SCHIP1: variants seen among roughly 807,000 people sequenced by gnomAD.
SCHIP1 encodes the protein schwannomin-interacting protein 1.
A neutral mutation model predicts 29.7 loss-of-function variants in SCHIP1; 8 were observed. That is an observed-to-expected ratio of 0.27 (90% CI 0.16 to 0.49). The LOEUF is 0.49. Among genes scored for constraint, SCHIP1 ranks in the 20% least tolerant of loss-of-function variants. SCHIP1 has a pLI of 0.99. For missense variants in SCHIP1, 193 were observed against 294.6 expected, an observed-to-expected ratio of 0.66 and a Z score of 2.52; for synonymous variants, 76 against 94.9, an observed-to-expected ratio of 0.80 and a Z score of 1.16.
At chr3:159,414,986 T>C in the SCHIP1 span, among the ~76,000 whole-genome samples, 2 of 152,194 alleles carry the variant, frequency 1.3e-5, no homozygotes, top group Admixed American at 6.6e-5. Flanking sequence ...AGTACTGTTC[T>C]GCAGCCCAGG....
At chr3:159,505,426 T>C in the SCHIP1 span, among the ~76,000 whole-genome samples, 3 of 152,318 alleles carry the variant, frequency 2.0e-5, no homozygotes, top group Non-Finnish European at 1.5e-5. Flanking sequence ...GGGGGACATG[T>C]GATATCTGAA....
the SCHIP1 span, among the ~76,000 whole-genome samples, chr3:159,543,007 T>TA: frequency 6.6e-6 from 1 of 151,544 alleles, no homozygotes; most frequent in African/African-American, 2.4e-5. Flanking sequence ...CTAGGATACT[T>TA]AAAAAATGAC....
chr3:159,668,090 C>T, the SCHIP1 span, among the ~76,000 whole-genome samples: 1 of 152,026 alleles, frequency 6.6e-6, no homozygotes, highest in Non-Finnish European at 1.5e-5. Context: ...TGAGTCCCGG[C>T]CAGGTACAGT....
the SCHIP1 span, among the ~76,000 whole-genome samples, chr3:159,446,024 A>AATG: frequency 6.6e-6 from 1 of 150,848 alleles, no homozygotes; most frequent in African/African-American, 2.4e-5. Flanking sequence ...CTTAAAGTAT[A>AATG]ATAATAATAA....
the SCHIP1 span, among the ~76,000 whole-genome samples, chr3:159,450,395 C>G: frequency 6.6e-6 from 1 of 152,192 alleles, no homozygotes; most frequent in African/African-American, 2.4e-5. Context: ...AAGACTTTAG[C>G]TACATGCTTC....
intron 1 of SCHIP1, among the ~76,000 whole-genome samples, chr3:159,848,436 T>G (rs1181807367): frequency 6.6e-6 from 1 of 152,162 alleles, no homozygotes; most frequent in Non-Finnish European, 1.5e-5. Flanking sequence ...TCAGCTCAAG[T>G]CTCTGCCAAG....
the SCHIP1 span, among the ~76,000 whole-genome samples, chr3:159,784,515 C>T: frequency 6.6e-6 from 1 of 152,214 alleles, no homozygotes; most frequent in East Asian, 1.9e-4. Context: ...CTATGTGCTA[C>T]ACAAGAAACA....
At chr3:159,285,605 A>G in the SCHIP1 span, among the ~76,000 whole-genome samples, 10 of 151,964 alleles carry the variant, frequency 6.6e-5, no homozygotes, top group Non-Finnish European at 1.5e-5. Flanking sequence ...TGTTTCTCAT[A>G]TCAATTATAT....
At chr3:159,571,574 A>G in the SCHIP1 span, among the ~76,000 whole-genome samples, 1 of 152,160 alleles carries the variant, frequency 6.6e-6, no homozygotes, top group East Asian at 1.9e-4. Flanking sequence ...CATCAGGGAT[A>G]TTGATCTAAA....
At chr3:159,525,489 A>G in the SCHIP1 span, among the ~76,000 whole-genome samples, 1 of 152,232 alleles carries the variant, frequency 6.6e-6, no homozygotes, top group East Asian at 1.9e-4. Context: ...GAAGCACACA[A>G]TACTTGAATG....
the SCHIP1 span, among the ~76,000 whole-genome samples, chr3:159,519,735 T>C: frequency 1.3e-5 from 2 of 152,044 alleles, no homozygotes; most frequent in African/African-American, 4.8e-5. Flanking sequence ...GTGTTAATAA[T>C]ATGAGTCTTA....
At chr3:159,295,263 A>AAC in the SCHIP1 span, among the ~76,000 whole-genome samples, 1 of 144,758 alleles carries the variant, frequency 6.9e-6, no homozygotes, top group African/African-American at 2.5e-5. Context: ...TAAAAAAAAA[A>AAC]AAAAAAAAAA....
At chr3:159,555,147 T>A in the SCHIP1 span, among the ~76,000 whole-genome samples, 1 of 152,198 alleles carries the variant, frequency 6.6e-6, no homozygotes, top group Non-Finnish European at 1.5e-5. Context: ...TATATTACCA[T>A]CTTTCTATCT....
chr3:159,884,460 A>G (rs1716774833), intron 2 of SCHIP1, among the ~76,000 whole-genome samples: 4 of 151,898 alleles, frequency 2.6e-5, no homozygotes, highest in Admixed American at 2.6e-4. Flanking sequence ...AGAAGAACAA[A>G]CTGCCTAATA....
chr3:159,362,870 G>T, the SCHIP1 span, among the ~76,000 whole-genome samples: 1 of 152,174 alleles, frequency 6.6e-6, no homozygotes, highest in African/African-American at 2.4e-5. Flanking sequence ...CAGTAATTCT[G>T]CTTTTGCCTG....
At chr3:159,334,497 A>G in the SCHIP1 span, among the ~76,000 whole-genome samples, 1 of 152,192 alleles carries the variant, frequency 6.6e-6, no homozygotes, top group Non-Finnish European at 1.5e-5. Flanking sequence ...ACACATGCAT[A>G]GATTCAGGTA....
the SCHIP1 span, among the ~76,000 whole-genome samples, chr3:159,344,723 A>G: frequency 2.0e-5 from 3 of 152,240 alleles, no homozygotes; most frequent in Non-Finnish European, 4.4e-5. Context: ...TATCTTGGAT[A>G]GAATTCTGGA....
chr3:159,681,840 ACT>A, the SCHIP1 span, among the ~76,000 whole-genome samples: 2 of 151,946 alleles, frequency 1.3e-5, no homozygotes, highest in Non-Finnish European at 2.9e-5. Flanking sequence ...ACTTGGGTTA[ACT>A]CAACGTTAAC....
chr3:159,367,474 C>A, the SCHIP1 span, among the ~76,000 whole-genome samples: 16 of 151,584 alleles, frequency 1.1e-4, 1 homozygote, highest in African/African-American at 3.6e-4. Context: ...CAATCCTACT[C>A]TCTGTCAGAA....
Sources: gnomAD v4.1 joint callset for allele counts (sites outside exome capture counted in the v4.1 genomes callset) on GRCh38, gnomAD v4.1.1 for gene constraint, MANE v1.5 for transcripts, NCBI Gene and HGNC (gene_info 2026-07-23, HGNC 2026-07-21) for gene names.